Variants in MGAT4C observed in about 807,000 individuals in gnomAD.
MGAT4C encodes the protein alpha-1,3-mannosyl-glycoprotein 4-beta-N-acetylglucosaminyltransferase C.
A neutral mutation model predicts 40.1 loss-of-function variants in MGAT4C; 19 were observed. The observed-to-expected ratio is 0.47, with a 90% CI of 0.33 to 0.70. The LOEUF (loss-of-function observed/expected upper bound fraction) is 0.70. Ranked by LOEUF, MGAT4C falls within the 30% of genes least tolerant of loss-of-function variation. The pLI is 0.02. For missense variants in MGAT4C, 491 were observed against 563.2 expected, an observed-to-expected ratio of 0.87 and a Z score of 1.30; for synonymous variants, 181 against 187.1, an observed-to-expected ratio of 0.97 and a Z score of 0.27.
rs1883438628 is a variant in MGAT4C at position 85,967,894 on chromosome 12, A to C, written c.*11395T>G. 6.6e-6 allele frequency: 1 copy of C among 152,038 alleles called. No individual in the cohort carries two copies. The highest frequency in any genetic ancestry group is 1.5e-5 in the Non-Finnish European group (1 of 67,932). 9.4% of individuals were successfully genotyped at this position (152,038 alleles called of 1,614,324 possible). ...TTTCTTGACTCAAATAGCTATCTCA[A>C]GTTTCGTACACTTTTTAGATCTCTA... On this transcript the variant is annotated 3_prime_UTR_variant, in exon 5 of 5. Coordinates refer to ENST00000611864, the MANE Select transcript of MGAT4C (RefSeq NM_001351288.2).
intron 1 of MGAT4C, among the ~76,000 whole-genome samples, chr12:86,247,978 A>G (rs1241291052): frequency 6.6e-6 from 1 of 151,830 alleles, no homozygotes; most frequent in Non-Finnish European, 1.5e-5. Flanking sequence ...TTCCTTCCTG[A>G]TCTGAAGTTT....
chr12:86,102,992 AAG>A (rs1227743262), intron 1 of MGAT4C, among the ~76,000 whole-genome samples: 1 of 152,194 alleles, frequency 6.6e-6, no homozygotes, highest in Non-Finnish European at 1.5e-5. Context: ...TATTTATAAA[AAG>A]AAATACATTC....
intron 2 of MGAT4C, among the ~76,000 whole-genome samples, chr12:86,581,057 A>C (rs748918681): frequency 7.3e-5 from 11 of 151,406 alleles, no homozygotes; most frequent in Non-Finnish European, 1.0e-4. Flanking sequence ...GGTATCTAAA[A>C]ACATTTCTCA....
chr12:86,142,388 C>T (rs1456479557), intron 1 of MGAT4C, among the ~76,000 whole-genome samples: 1 of 152,112 alleles, frequency 6.6e-6, no homozygotes, highest in Admixed American at 6.6e-5. Context: ...TGTTTATTTT[C>T]ATGTAATTAA....
intron 2 of MGAT4C, among the ~76,000 whole-genome samples, chr12:86,551,042 A>T (rs1959333073): frequency 6.6e-6 from 1 of 152,176 alleles, no homozygotes; most frequent in African/African-American, 2.4e-5. Context: ...CTCAAGCCCA[A>T]GACAGAGCAC....
At chr12:86,674,629 G>A (rs868455353) in intron 2 of MGAT4C, among the ~76,000 whole-genome samples, 5 of 152,088 alleles carry the variant, frequency 3.3e-5, no homozygotes, top group East Asian at 1.9e-4. Flanking sequence ...CCTGGGAGGC[G>A]GAGTTGCAGT....
intron 1 of MGAT4C, among the ~76,000 whole-genome samples, chr12:86,769,518 T>C (rs1441217100): frequency 3.9e-5 from 6 of 152,338 alleles, no homozygotes; most frequent in Admixed American, 3.9e-4. Context: ...TTATTGGGTA[T>C]ATACCCAAAG....
intron 4 of MGAT4C, among the ~76,000 whole-genome samples, chr12:86,324,955 T>C (rs1954491060): frequency 6.6e-6 from 1 of 152,132 alleles, no homozygotes; most frequent in Admixed American, 6.5e-5. Context: ...TAGTTTCAGA[T>C]GAGCATTTAA....
intron 3 of MGAT4C, among the ~76,000 whole-genome samples, chr12:86,334,601 T>C (rs1426939862): frequency 2.0e-5 from 3 of 152,138 alleles, no homozygotes; most frequent in African/African-American, 7.2e-5. Context: ...ACCAATACCA[T>C]ATCCAATGAC....
At chr12:86,430,152 A>G (rs974112175) in intron 3 of MGAT4C, among the ~76,000 whole-genome samples, 1 of 151,902 alleles carries the variant, frequency 6.6e-6, no homozygotes, top group African/African-American at 2.4e-5. Context: ...GCAATTTTGT[A>G]TATTGTTTTT....
chr12:86,135,216 A>T (rs2135721658), intron 1 of MGAT4C, among the ~76,000 whole-genome samples: 1 of 152,178 alleles, frequency 6.6e-6, no homozygotes, highest in South Asian at 2.1e-4. Flanking sequence ...TATATAAAAC[A>T]TGAGTTTATT....
chr12:86,040,807 A>G (rs1891747677), intron 2 of MGAT4C, among the ~76,000 whole-genome samples: 1 of 152,070 alleles, frequency 6.6e-6, no homozygotes, highest in African/African-American at 2.4e-5. Context: ...CTGTAATCCG[A>G]GGATCCTGGT....
chr12:86,638,880 A>G (rs1333895438), intron 2 of MGAT4C, among the ~76,000 whole-genome samples: 2 of 151,812 alleles, frequency 1.3e-5, no homozygotes, highest in Non-Finnish European at 2.9e-5. Flanking sequence ...AATAGCATTC[A>G]TTACATGGAA....
intron 2 of MGAT4C, among the ~76,000 whole-genome samples, chr12:86,015,072 G>T (rs916886438): frequency 7.3e-5 from 11 of 149,776 alleles, no homozygotes; most frequent in African/African-American, 2.7e-4. Flanking sequence ...GCTTCCTGAA[G>T]TGCTGGGATT....
At chr12:86,257,616 G>T (rs574239660), upstream of MGAT4C, among the ~76,000 whole-genome samples, 16 of 152,284 alleles carry the variant, frequency 1.1e-4, no homozygotes, top group Admixed American at 3.9e-4. Context: ...GCAAATACTT[G>T]TTACATTCCC....
chr12:86,285,962 A>T (rs919340683), intron 4 of MGAT4C, among the ~76,000 whole-genome samples: 3 of 152,090 alleles, frequency 2.0e-5, no homozygotes, highest in Non-Finnish European at 4.4e-5. Context: ...ACATACCCAC[A>T]CATTCACAAA....
chr12:86,332,160 A>G (rs1000913689), intron 4 of MGAT4C, among the ~76,000 whole-genome samples: 4 of 152,066 alleles, frequency 2.6e-5, no homozygotes, highest in East Asian at 1.9e-4. Context: ...ATAAAAATAG[A>G]AAAAAAATCA....
At position 86,440,556 on chromosome 12, in the gene MGAT4C, A is replaced by G. The variant is rs544371272; in HGVS notation, c.-228-5291T>C. On this transcript the variant is annotated intron_variant, in intron 2 of 7. Transcript: ENST00000548651. Reference sequence around the variant, plus strand: ...GGGAAAAGAAGAAAACATTCCCTATAAGAACTGGAAGAATACAGGGATGCC... The same window carrying G: ...GGGAAAAGAAGAAAACATTCCCTATGAGAACTGGAAGAATACAGGGATGCC... Among the ~76,000 whole-genome samples, 3 of 152,154 alleles carry G rather than the reference A, an allele frequency of 2.0e-5. No individual in the cohort carries two copies. The East Asian group carries it at 5.8e-4, about 29-fold the overall frequency.
chr12:86,814,560 CTTATAA>C (rs1295025949), intron 1 of MGAT4C, among the ~76,000 whole-genome samples: 3 of 151,672 alleles, frequency 2.0e-5, no homozygotes, highest in Admixed American at 1.3e-4. Context: ...TTCCAATTCT[CTTATAA>C]TTATATTAAT....
Sources: gnomAD v4.1 joint callset for allele counts (sites outside exome capture counted in the v4.1 genomes callset) on GRCh38, gnomAD v4.1.1 for gene constraint, MANE v1.5 for transcripts, NCBI Gene and HGNC (gene_info 2026-07-23, HGNC 2026-07-21) for gene names.